LOC400499: variants seen among roughly 807,000 people sequenced by gnomAD.
the LOC400499 span, among the ~76,000 whole-genome samples, chr16:11,413,236 C>A: frequency 6.6e-6 from 1 of 152,110 alleles, no homozygotes; most frequent in African/African-American, 2.4e-5. Context: ...TGTCACCTGA[C>A]CTCGAGGCCA....
the LOC400499 span, among the ~76,000 whole-genome samples, chr16:11,490,022 G>A: frequency 8.9e-4 from 135 of 152,196 alleles, 1 homozygote; most frequent in Middle Eastern, 0.017. Flanking sequence ...AACTTCTGGC[G>A]GAACACCCAC....
At chr16:11,500,389 T>C in the LOC400499 span, among the ~76,000 whole-genome samples, 1 of 152,154 alleles carries the variant, frequency 6.6e-6, no homozygotes, top group Admixed American at 6.6e-5. Flanking sequence ...TGCATTCATG[T>C]AGTCCCAGCT....
chr16:11,496,459 A>G, the LOC400499 span, among the ~76,000 whole-genome samples: 1 of 152,258 alleles, frequency 6.6e-6, no homozygotes, highest in East Asian at 1.9e-4. Flanking sequence ...AGGTGTGAAC[A>G]TAAGCATCTG....
At chr16:11,398,609 G>T in the LOC400499 span, 2 of 937,100 alleles carry the variant, frequency 2.1e-6, no homozygotes, top group Non-Finnish European at 2.8e-6. Flanking sequence ...GCATGTGCCA[G>T]GAATGTGCCG....
chr16:11,381,440 A>G, the LOC400499 span, among the ~76,000 whole-genome samples: 1 of 152,056 alleles, frequency 6.6e-6, no homozygotes, highest in East Asian at 1.9e-4. Context: ...TCTAGAGATG[A>G]GTCTCTAGAG....
chr16:11,483,060 G>C, the LOC400499 span, among the ~76,000 whole-genome samples: 1 of 152,110 alleles, frequency 6.6e-6, no homozygotes. Flanking sequence ...CACATGAAAA[G>C]ATTATCAATG....
the LOC400499 span, among the ~76,000 whole-genome samples, chr16:11,413,453 C>A: frequency 5.3e-5 from 8 of 152,116 alleles, no homozygotes; most frequent in African/African-American, 1.9e-4. Flanking sequence ...TGGCGCCTGG[C>A]TCTAGAATAG....
chr16:11,379,361 A>G, the LOC400499 span, among the ~76,000 whole-genome samples: 3 of 152,244 alleles, frequency 2.0e-5, no homozygotes, highest in Admixed American at 6.5e-5. Flanking sequence ...GGTGTGTTGC[A>G]TGTACATTTA....
chr16:11,490,676 G>A, the LOC400499 span, among the ~76,000 whole-genome samples: 1 of 152,192 alleles, frequency 6.6e-6, no homozygotes, highest in Non-Finnish European at 1.5e-5. Flanking sequence ...ACTCCAGGCT[G>A]GGTGACAGAG....
At chr16:11,447,077 T>C in the LOC400499 span, among the ~76,000 whole-genome samples, 814 of 152,240 alleles carry the variant, frequency 5.3e-3, 11 homozygotes, top group African/African-American at 0.019. Context: ...TGCTTTACAA[T>C]GTGGCATCCA....
chr16:11,436,139 T>C, the LOC400499 span, among the ~76,000 whole-genome samples: 83,324 of 151,928 alleles, frequency 0.55, 23,131 homozygotes, highest in South Asian at 0.64. Context: ...GTTCTTACTG[T>C]ACAAATGGGG....
chr16:11,384,909 T>G, the LOC400499 span: 5 of 1,231,814 alleles, frequency 4.1e-6, no homozygotes, highest in Non-Finnish European at 5.1e-6. Context: ...AGGCCCAGAG[T>G]CAGGCTGCAG....
chr16:11,405,977 G>A, the LOC400499 span, among the ~76,000 whole-genome samples: 1 of 152,092 alleles, frequency 6.6e-6, no homozygotes, highest in Non-Finnish European at 1.5e-5. Flanking sequence ...CCTGCCCCAG[G>A]CCCTTTGCAT....
the LOC400499 span, among the ~76,000 whole-genome samples, chr16:11,513,795 A>T: frequency 4.2e-4 from 64 of 152,280 alleles, no homozygotes; most frequent in African/African-American, 1.5e-3. Context: ...AATTAAATTA[A>T]ATTAAATACA....
the LOC400499 span, among the ~76,000 whole-genome samples, chr16:11,490,346 C>G: frequency 7.3e-6 from 1 of 137,038 alleles, no homozygotes; most frequent in East Asian, 2.3e-4. Context: ...CAGTGAGCCA[C>G]AACTGTGCCA....
chr16:11,487,955 A>G, the LOC400499 span, among the ~76,000 whole-genome samples: 1 of 151,990 alleles, frequency 6.6e-6, no homozygotes, highest in Non-Finnish European at 1.5e-5. Flanking sequence ...CTCCACTAAT[A>G]AAAATACAAA....
chr16:11,451,724 G>A, the LOC400499 span, among the ~76,000 whole-genome samples: 1 of 152,214 alleles, frequency 6.6e-6, no homozygotes, highest in Non-Finnish European at 1.5e-5. Flanking sequence ...GACAGACAAG[G>A]GGGAGTTGAT....
the LOC400499 span, among the ~76,000 whole-genome samples, chr16:11,458,466 T>C: frequency 0.024 from 3,604 of 150,902 alleles, 153 homozygotes; most frequent in African/African-American, 0.084. Context: ...GATTGCACCA[T>C]TGTACTCCAG....
At chr16:11,378,649 G>T in the LOC400499 span, among the ~76,000 whole-genome samples, 2,863 of 152,232 alleles carry the variant, frequency 0.019, 49 homozygotes, top group Middle Eastern at 0.12. Context: ...TCATATGTTT[G>T]GTCTCAAGAT....
Sources: gnomAD v4.1 joint callset for allele counts (sites outside exome capture counted in the v4.1 genomes callset) on GRCh38, gnomAD v4.1.1 for gene constraint, MANE v1.5 for transcripts.